DST: variants seen among roughly 807,000 people sequenced by gnomAD.
DST encodes bullous pemphigoid antigen.
A neutral mutation model predicts 875.2 loss-of-function variants in DST; 253 were observed. The ratio of observed to expected loss-of-function variants is 0.29; its 90% CI spans 0.26 to 0.32. The LOEUF is 0.32. Ranked by LOEUF, DST falls within the 10% of genes least tolerant of loss-of-function variation. The pLI is 1.00. For synonymous variants in DST, 3,124 were observed against 3,197.1 expected, an observed-to-expected ratio of 0.98 and a Z score of 0.77; for missense variants, 8,287 against 9,111.6, an observed-to-expected ratio of 0.91 and a Z score of 3.68.
At chr6:56,692,350 A>G (rs2099236179) in intron 9 of DST, 1 of 1,095,194 alleles carries the variant, frequency 9.1e-7, no homozygotes, top group East Asian at 5.9e-5. Context: ...CACCTGGAAC[A>G]CTTATTTACT....
intron 9 of DST, among the ~76,000 whole-genome samples, chr6:56,681,980 T>C (rs925145419): frequency 6.6e-6 from 1 of 152,214 alleles, no homozygotes; most frequent in Admixed American, 6.5e-5. Flanking sequence ...ACAAAACACA[T>C]GTCTGACAAC....
chr6:56,481,766 CA>C (rs1465607551), intron 90 of DST, among the ~76,000 whole-genome samples: 3 of 152,072 alleles, frequency 2.0e-5, no homozygotes, highest in South Asian at 2.1e-4. Context: ...GGTCAAAAGC[CA>C]AAAAGCCTAG....
intron 10 of DST, among the ~76,000 whole-genome samples, chr6:56,651,735 A>G (rs756709426): frequency 6.6e-6 from 1 of 152,134 alleles, no homozygotes; most frequent in African/African-American, 2.4e-5. Context: ...CACCTCCTCT[A>G]TGGAGCCTGG....
chr6:56,754,143 A>G (rs2099595818), intron 4 of DST, among the ~76,000 whole-genome samples: 1 of 152,214 alleles, frequency 6.6e-6, no homozygotes, highest in Non-Finnish European at 1.5e-5. Context: ...AAGAATATAT[A>G]GTGATAGATG....
At chr6:56,560,812 T>A (rs771173728) in intron 57 of DST, among the ~76,000 whole-genome samples, 9 of 152,192 alleles carry the variant, frequency 5.9e-5, no homozygotes, top group Non-Finnish European at 7.4e-5. Flanking sequence ...AAACACTTTT[T>A]TTGGGCAACA....
rs903470295 is a variant in DST at position 56,624,430 on chromosome 6, AATTT to A, written c.4929+96_4929+99del. 3.8e-6 allele frequency: 3 copies of A among 798,462 alleles called. No homozygotes were observed. The African/African-American group carries it at 5.1e-5, about 14-fold the overall frequency. 49.5% of individuals were successfully genotyped at this position (798,462 alleles called of 1,614,324 possible). The stretch of plus-strand genomic sequence containing the variant: ...TTGTACATCTGCTACCGGCCACATA[AATTT>A]ATCATGAAACATGTTTTGCTTTCCC... On this transcript the variant is annotated intron_variant, in intron 36 of 103. Coordinates refer to ENST00000680361, the MANE Select transcript of DST (RefSeq NM_001374736.1).
rs1031213476 is a variant in DST at position 56,896,155 on chromosome 6, T to C, written c.417+4266A>G. Among the ~76,000 whole-genome samples the C allele has an allele frequency of 4.1e-5, 6 of 146,142 alleles. 1 individual carries two copies. The highest frequency in any genetic ancestry group is 1.6e-4 in the African/African-American group (6 of 38,336). On this transcript the variant is annotated intron_variant, in intron 3 of 103. Transcript: ENST00000680361. ...GGAGAGGGAGACGGGAGAGCCTACT[T>C]TTAGTTCTTTAAGGAATCTCCACAC...
intron 50 of DST, among the ~76,000 whole-genome samples, chr6:56,575,863 C>A (rs1389930442): frequency 6.6e-6 from 1 of 152,076 alleles, no homozygotes; most frequent in Non-Finnish European, 1.5e-5. Context: ...GGCAGAGCTC[C>A]TAAGTCCCTT....
intron 2 of DST, among the ~76,000 whole-genome samples, chr6:56,909,248 T>C (rs1371667073): frequency 1.3e-5 from 2 of 152,234 alleles, no homozygotes; most frequent in Non-Finnish European, 2.9e-5. Flanking sequence ...CTTTTATCCA[T>C]GTTTGCCTTT....
intron 4 of DST, chr6:56,843,755 GGA>G (rs2099803751): frequency 4.2e-6 from 1 of 237,426 alleles, no homozygotes; most frequent in African/African-American, 2.4e-5. Flanking sequence ...GGTGGAGGGT[GGA>G]GGGCGGAGGG....
chr6:56,556,245 T>A (rs2097415541), intron 59 of DST, among the ~76,000 whole-genome samples: 1 of 152,214 alleles, frequency 6.6e-6, no homozygotes, highest in Admixed American at 6.5e-5. Flanking sequence ...AAATGCACAG[T>A]GATAAAGGTG....
chr6:56,557,407 C>T lies in DST; in HGVS notation c.14552G>A (p.Trp4851Ter). 1 of 1,613,660 alleles carries T rather than the reference C, an allele frequency of 6.2e-7. No homozygotes were observed. Among genetic ancestry groups the T allele is most frequent in the Non-Finnish European group, 8.5e-7 (1 of 1,179,700 alleles). ...GACCATAAGTTCTTTTTCCACAAGCCACTGTTTCAATTGGGCCTCTACAGT... is the reference window on the plus strand; with the variant it reads ...GACCATAAGTTCTTTTTCCACAAGCTACTGTTTCAATTGGGCCTCTACAGT... ...FQTVEAQLKQWLVEKELMVSV... is the reference protein window; with the variant it reads ...FQTVEAQLKQ Residue 4851 changes from tryptophan (W) to a stop codon, truncating the protein, a stop_gained, in exon 59 of 104, where the codon TGG becomes TAG. Transcript: ENST00000680361. LOFTEE classifies it high-confidence loss of function.
At chr6:56,815,215 A>G (rs2099765186) in intron 4 of DST, among the ~76,000 whole-genome samples, 1 of 152,232 alleles carries the variant, frequency 6.6e-6, no homozygotes, top group Non-Finnish European at 1.5e-5. Flanking sequence ...GAAAGGGAAA[A>G]GTAGGGAGGA....
intron 2 of DST, among the ~76,000 whole-genome samples, chr6:56,942,814 T>C (rs1817373210): frequency 6.8e-6 from 1 of 147,916 alleles, no homozygotes; most frequent in Non-Finnish European, 1.5e-5. Context: ...CTCCTGGGCT[T>C]AAAAGCAGTC....
intron 102 of DST, among the ~76,000 whole-genome samples, chr6:56,462,444 G>A (rs2094381817): frequency 6.6e-6 from 1 of 152,090 alleles, no homozygotes; most frequent in Non-Finnish European, 1.5e-5. Flanking sequence ...ATTACCTGTT[G>A]AAAATGACAA....
intron 71 of DST, 134 bp downstream of exon 71, chr6:56,517,064 C>G (rs1454531776): frequency 1.0e-5 from 7 of 695,300 alleles, no homozygotes; most frequent in Non-Finnish European, 1.8e-5. Flanking sequence ...TTGAAAAATG[C>G]CTTATTTAAA....
intron 2 of DST, among the ~76,000 whole-genome samples, chr6:56,933,909 T>C (rs1171051268): frequency 6.6e-6 from 1 of 152,148 alleles, no homozygotes; most frequent in Non-Finnish European, 1.5e-5. Flanking sequence ...AAAAGTGAAC[T>C]GAAACCCAAA....
intron 4 of DST, among the ~76,000 whole-genome samples, chr6:56,747,803 T>G (rs1426591416): frequency 1.3e-5 from 2 of 152,172 alleles, no homozygotes; most frequent in East Asian, 3.8e-4. Flanking sequence ...GTAAGGTAAA[T>G]CCATTATATT....
intron 4 of DST, among the ~76,000 whole-genome samples, chr6:56,760,399 G>A (rs978136194): frequency 6.6e-6 from 1 of 152,106 alleles, no homozygotes; most frequent in Non-Finnish European, 1.5e-5. Flanking sequence ...GTCTCTCCAT[G>A]TGTATCAGCC....
Sources: gnomAD v4.1 joint callset for allele counts (sites outside exome capture counted in the v4.1 genomes callset) on GRCh38, gnomAD v4.1.1 for gene constraint, MANE v1.5 for transcripts, NCBI Gene and HGNC (gene_info 2026-07-23, HGNC 2026-07-21) for gene names.